PHACTR1: variants seen among roughly 807,000 people sequenced by gnomAD.
The protein encoded by PHACTR1 is phosphatase and actin regulator 1.
A neutral mutation model predicts 69.2 loss-of-function variants in PHACTR1; 16 were observed. The observed-to-expected ratio is 0.23, with a 90% CI of 0.16 to 0.35. The LOEUF (loss-of-function observed/expected upper bound fraction) is 0.35, where lower values mean the gene tolerates loss of function less well. PHACTR1 is among the 10% of genes least tolerant of loss of function. The pLI, the probability that PHACTR1 is intolerant of heterozygous loss-of-function variation, is 1.00. For missense variants in PHACTR1, 510 were observed against 734.7 expected, an observed-to-expected ratio of 0.69 and a Z score of 3.54; for synonymous variants, 312 against 284.5, an observed-to-expected ratio of 1.10 and a Z score of -0.97.
chr6:12,890,443 A>C (rs1161358376), intron 4 of PHACTR1, among the ~76,000 whole-genome samples: 1 of 151,994 alleles, frequency 6.6e-6, no homozygotes, highest in African/African-American at 2.4e-5. Flanking sequence ...AATGGCTTCC[A>C]CTTCACTCAG....
rs778408975 is a variant in PHACTR1 at position 13,044,076 on chromosome 6, A to AG, written c.251-9288dup. Reference sequence around the variant, plus strand: ...ATTAGCTCAATAAGTCTAACAATATAGAACCTGTATAATTTTAAATTTAAA... The same window carrying AG: ...ATTAGCTCAATAAGTCTAACAATATAGGAACCTGTATAATTTTAAATTTAAA... On this transcript the variant is annotated intron_variant, in intron 4 of 14. Transcript: ENST00000332995. Among the ~76,000 whole-genome samples the AG allele has an allele frequency of 1.2e-4, 18 of 152,014 alleles. 1 individual carries two copies. The highest frequency in any genetic ancestry group is 2.4e-4 in the Non-Finnish European group (16 of 67,988).
At chr6:12,769,630 G>T (rs1021542197) in intron 4 of PHACTR1, among the ~76,000 whole-genome samples, 1 of 152,206 alleles carries the variant, frequency 6.6e-6, no homozygotes, top group Admixed American at 6.5e-5. Flanking sequence ...GTCTTAGAAC[G>T]GTCGTGGGTA....
chr6:12,797,831 G>A (rs940590200), intron 4 of PHACTR1, among the ~76,000 whole-genome samples: 4 of 152,134 alleles, frequency 2.6e-5, no homozygotes, highest in South Asian at 2.1e-4. Context: ...GATCACAGGA[G>A]TTGGAGTTGC....
At chr6:12,916,576 C>T (rs1336106596) in intron 4 of PHACTR1, among the ~76,000 whole-genome samples, 1 of 148,286 alleles carries the variant, frequency 6.7e-6, no homozygotes. Flanking sequence ...ATCCCCAGCA[C>T]CTAGTACAGA....
chr6:12,990,861 C>T (rs1032006259), intron 4 of PHACTR1, among the ~76,000 whole-genome samples: 6 of 152,032 alleles, frequency 3.9e-5, no homozygotes, highest in South Asian at 4.2e-4. Flanking sequence ...CAGAGACGAC[C>T]GGGCTCCTCT....
At chr6:13,052,300 A>T (rs1003841862) in intron 4 of PHACTR1, among the ~76,000 whole-genome samples, 5 of 152,238 alleles carry the variant, frequency 3.3e-5, no homozygotes, top group Non-Finnish European at 7.3e-5. Context: ...GACCACAACA[A>T]GCTGACTATC....
At position 12,858,048 on chromosome 6, in the gene PHACTR1, C is replaced by T. The variant is rs116752699; in HGVS notation, c.250+108258C>T. ...ATATAGCCTGTTCTCGGTAAGTTTACGGTAGAGCAGAGAAACAGATATGCA... is the reference window on the plus strand; with the variant it reads ...ATATAGCCTGTTCTCGGTAAGTTTATGGTAGAGCAGAGAAACAGATATGCA... On this transcript the variant is annotated intron_variant, in intron 4 of 14. Coordinates refer to ENST00000332995, the MANE Select transcript of PHACTR1 (RefSeq NM_030948.6). Among the ~76,000 whole-genome samples, 1,083 of 152,100 alleles carry T rather than the reference C, an allele frequency of 7.1e-3. 20 individuals are homozygous for T. The highest frequency in any genetic ancestry group is 0.025 in the African/African-American group (1,033 of 41,488).
chr6:12,938,249 T>C (rs1789678928), intron 4 of PHACTR1, among the ~76,000 whole-genome samples: 1 of 152,196 alleles, frequency 6.6e-6, no homozygotes, highest in Admixed American at 6.5e-5. Context: ...CTACTGTTTT[T>C]CAGATGATGT....
At chr6:13,051,294 T>C (rs770445414) in intron 4 of PHACTR1, among the ~76,000 whole-genome samples, 1 of 152,194 alleles carries the variant, frequency 6.6e-6, no homozygotes, top group Non-Finnish European at 1.5e-5. Context: ...TTATTTGTTT[T>C]GTTTACCGTC....
chr6:13,068,417 A>C (rs1808999269), intron 5 of PHACTR1, among the ~76,000 whole-genome samples: 1 of 152,220 alleles, frequency 6.6e-6, no homozygotes, highest in Non-Finnish European at 1.5e-5. Flanking sequence ...CTTTGCGCTA[A>C]GTTTTATCTA....
At position 12,917,534 on chromosome 6, in the gene PHACTR1, C is replaced by T. The variant is rs536171216; in HGVS notation, c.251-135831C>T. ...TTGGGAGTCTGAGGTGGGAGGATTA[C>T]TTGAAGCCAGGAGTTTGAGACAAGC... On this transcript the variant is annotated intron_variant, in intron 4 of 14. Transcript: ENST00000332995. Among the ~76,000 whole-genome samples, 245 of 152,156 alleles carry T rather than the reference C, an allele frequency of 1.6e-3. 1 individual carries two copies. Among genetic ancestry groups the T allele is most frequent in the Non-Finnish European group, 2.4e-3 (161 of 68,032 alleles).
Position 13,283,650 on chromosome 6 carries a change from C to T in PHACTR1, c.1650+88C>T. ...ACCGCTGGGGAGCGTGTAGGGAGACCTGCAGCCAGGCCTCAGCCGCAGTCC... is the reference window on the plus strand; with the variant it reads ...ACCGCTGGGGAGCGTGTAGGGAGACTTGCAGCCAGGCCTCAGCCGCAGTCC... On this transcript the variant is annotated intron_variant, in intron 13 of 14. Coordinates refer to ENST00000332995, the MANE Select transcript of PHACTR1 (RefSeq NM_030948.6). The surrounding 1 kb of genome is among the most constrained non-coding windows in gnomAD (Gnocchi z 4.7). 6.3e-7 allele frequency: 1 copy of T among 1,596,624 alleles called. No individual in the cohort carries two copies. The highest frequency in any genetic ancestry group is 8.6e-7 in the Non-Finnish European group (1 of 1,168,398).
chr6:12,882,876 G>A (rs368820745), intron 4 of PHACTR1, among the ~76,000 whole-genome samples: 1 of 152,204 alleles, frequency 6.6e-6, no homozygotes, highest in Non-Finnish European at 1.5e-5. Context: ...ATGCTTGAAA[G>A]TGATTTTATT....
chr6:12,982,045 C>A (rs1021921470), intron 4 of PHACTR1, among the ~76,000 whole-genome samples: 3 of 152,174 alleles, frequency 2.0e-5, no homozygotes, highest in Non-Finnish European at 4.4e-5. Context: ...TCCCAATGAG[C>A]CTCTTTTACT....
chr6:13,254,513 C>T (rs907049618), intron 10 of PHACTR1, among the ~76,000 whole-genome samples: 1 of 152,204 alleles, frequency 6.6e-6, no homozygotes, highest in Non-Finnish European at 1.5e-5. Context: ...ACTATCAAAG[C>T]AAGTGTCTCC....
intron 5 of PHACTR1, among the ~76,000 whole-genome samples, chr6:13,087,855 C>T (rs182431509): frequency 2.8e-4 from 43 of 152,030 alleles, no homozygotes; most frequent in Non-Finnish European, 5.0e-4. Flanking sequence ...CCGTGCTGCC[C>T]GGGCTAATCT....
chr6:12,921,517 AAG>A, intron 4 of PHACTR1, among the ~76,000 whole-genome samples: 5 of 126,070 alleles, frequency 4.0e-5, no homozygotes, highest in African/African-American at 1.5e-4. Context: ...GGAAGGAAGG[AAG>A]GGGAGGGAGG....
rs531093682 is a variant in PHACTR1, at chr6:12,941,627, G to A, written c.251-111738G>A. On this transcript the variant is annotated intron_variant, in intron 4 of 14. Transcript: ENST00000332995. ...TACCTTCAGTAAGTAGGAGCCAAAC[G>A]TCCTTGAAGTGTAGCATTGGGGTTC... is the stretch of plus-strand genomic sequence containing the variant. Among the ~76,000 whole-genome samples, 47 of 152,138 alleles carry A rather than the reference G, an allele frequency of 3.1e-4. 1 individual carries two copies. The South Asian group carries it at 8.3e-3, about 27-fold the overall frequency.
intron 4 of PHACTR1, among the ~76,000 whole-genome samples, chr6:12,962,772 C>T (rs1379108280): frequency 3.9e-5 from 6 of 152,180 alleles, no homozygotes; most frequent in Admixed American, 1.3e-4. Flanking sequence ...AAAAGGATTA[C>T]GGCATGTCTC....
Sources: gnomAD v4.1 joint callset for allele counts (sites outside exome capture counted in the v4.1 genomes callset) on GRCh38, gnomAD v4.1.1 for gene constraint, Gnocchi (gnomAD v3.1) non-coding constraint, MANE v1.5 for transcripts, NCBI Gene and HGNC (gene_info 2026-07-23, HGNC 2026-07-21) for gene names.